PCCA: variants seen among roughly 807,000 people sequenced by gnomAD.
The protein encoded by PCCA is propionyl-CoA carboxylase subunit alpha, also known as propionyl-CoA carboxylase alpha chain, mitochondrial.
PCCA carries 74 observed loss-of-function variants against 101.3 expected under a neutral mutation model. The ratio of observed to expected loss-of-function variants is 0.73; its 90% CI spans 0.61 to 0.89. PCCA has a LOEUF of 0.89. Among genes scored for constraint, PCCA ranks in the 40% least tolerant of loss-of-function variants. PCCA has a pLI of 0.00. For synonymous variants in PCCA, 294 were observed against 313.6 expected (o/e 0.94, Z 0.66); for missense variants, 891 against 907.0 (o/e 0.98, Z 0.23).
At chr13:100,216,186 C>T (rs1054756169) in intron 7 of PCCA, among the ~76,000 whole-genome samples, 1 of 151,692 alleles carries the variant, frequency 6.6e-6, no homozygotes, top group African/African-American at 2.4e-5. Flanking sequence ...TTTAGCAGAC[C>T]ATCTAAGGAA....
intron 18 of PCCA, among the ~76,000 whole-genome samples, chr13:100,349,987 T>G (rs2152775769): frequency 6.6e-6 from 1 of 152,358 alleles, no homozygotes; most frequent in South Asian, 2.1e-4. Flanking sequence ...CTGTTTATTT[T>G]TCTTTGCCTT....
At chr13:100,371,229 A>G (rs2075553524) in intron 19 of PCCA, among the ~76,000 whole-genome samples, 1 of 152,154 alleles carries the variant, frequency 6.6e-6, no homozygotes, top group African/African-American at 2.4e-5. Context: ...CACCACAATA[A>G]TGGTAAAAAG....
chr13:100,101,898 C>T (rs935329854), intron 1 of PCCA, among the ~76,000 whole-genome samples: 3 of 151,998 alleles, frequency 2.0e-5, no homozygotes, highest in South Asian at 2.1e-4. Flanking sequence ...CCATGGTGCC[C>T]GACTCTTTAA....
chr13:100,435,080 A>C (rs878935583), intron 20 of PCCA, among the ~76,000 whole-genome samples: 4 of 152,172 alleles, frequency 2.6e-5, no homozygotes, highest in Admixed American at 2.6e-4. Context: ...ATCTGTTCTT[A>C]TATTGCTATA....
At chr13:100,273,120 A>T in intron 11 of PCCA, 76 bp from the exon 12 acceptor site, 1 of 1,080,096 alleles carries the variant, frequency 9.3e-7, no homozygotes, top group Non-Finnish European at 1.4e-6. Flanking sequence ...ACTTTAAGAA[A>T]ATGTTTATGT....
chr13:100,128,929 C>T (rs2050226066), intron 4 of PCCA, among the ~76,000 whole-genome samples: 1 of 152,128 alleles, frequency 6.6e-6, no homozygotes, highest in African/African-American at 2.4e-5. Flanking sequence ...TCTACCCTTA[C>T]CCTGAAAGAT....
At chr13:100,485,799 T>C (rs892384347) in intron 21 of PCCA, among the ~76,000 whole-genome samples, 1 of 152,224 alleles carries the variant, frequency 6.6e-6, no homozygotes, top group Non-Finnish European at 1.5e-5. Flanking sequence ...CCATAGATTC[T>C]CTCTTCATTT....
chr13:100,246,621 C>A (rs892750015), intron 8 of PCCA, among the ~76,000 whole-genome samples: 1 of 151,844 alleles, frequency 6.6e-6, no homozygotes, highest in Non-Finnish European at 1.5e-5. Context: ...AGCCACCATG[C>A]CAAGCCTAGT....
chr13:100,497,035 G>C lies in PCCA; in HGVS notation c.1900-18392G>C, dbSNP rs76033570. Among the ~76,000 whole-genome samples, 662 of 152,306 alleles carry C rather than the reference G, an allele frequency of 4.3e-3. 33 individuals carry two copies. The East Asian group carries it at 0.098, about 23-fold the overall frequency. ...TTCTCACGGGAGGCTGGAAGCAAAG[G>C]CTGTGCTCCTTGTTCCTCAAAAGCT... is the stretch of plus-strand genomic sequence containing the variant. On this transcript the variant is annotated intron_variant, in intron 21 of 23. Coordinates refer to ENST00000376285, the MANE Select transcript of PCCA (RefSeq NM_000282.4).
In PCCA at chr13:100,515,512, T is replaced by G. The variant is rs374959576; in HGVS notation, c.1985T>G (p.Leu662Arg). 7 of 1,614,098 alleles carry G rather than the reference T, an allele frequency of 4.3e-6. No homozygotes were observed. The highest frequency in any genetic ancestry group is 4.0e-5 in the African/African-American group (3 of 74,940). ...GTGACTGAGGACACAAGCAGTGTTC[T>G]GCGTTCCCCGATGCCCGGAGTGGTG... ...EKVTEDTSSV[L>R]RSPMPGVVVA... Residue 662 changes from leucine to arginine, a missense_variant, in exon 22 of 24, where the codon CTG (leucine) becomes CGG (arginine). Transcript: ENST00000376285.
chr13:100,293,982 A>C (rs2065325031), intron 12 of PCCA, among the ~76,000 whole-genome samples: 1 of 152,168 alleles, frequency 6.6e-6, no homozygotes, highest in African/African-American at 2.4e-5. Flanking sequence ...TTAGTTTGCT[A>C]GGGCTGCCAT....
chr13:100,529,562 G>A (rs2277437), intron 23 of PCCA, among the ~76,000 whole-genome samples: 47,252 of 152,012 alleles, frequency 0.31, 8,045 homozygotes, highest in East Asian at 0.48. Context: ...AAGGGCGACC[G>A]CACAGCCCCA....
Position 100,219,497 on chromosome 13 carries a change from T to C in PCCA, c.600+10034T>C, listed in dbSNP as rs114649047. On this transcript the variant is annotated intron_variant, in intron 7 of 23. Coordinates refer to ENST00000376285, the MANE Select transcript of PCCA (RefSeq NM_000282.4). Reference sequence around the variant, plus strand: ...GTGTCTCCTAGGAAGGGAATGTTTCTTGGCTAAAGGTCCAAAGGTGACCGT... The same window carrying C: ...GTGTCTCCTAGGAAGGGAATGTTTCCTGGCTAAAGGTCCAAAGGTGACCGT... 7.2e-3 allele frequency among the ~76,000 whole-genome samples: 1,097 copies of C among 152,248 alleles called. 11 individuals are homozygous for C. The highest frequency in any genetic ancestry group is 0.025 in the African/African-American group (1,035 of 41,536).
chr13:100,180,149 G>C (rs2056656940), intron 6 of PCCA, among the ~76,000 whole-genome samples: 1 of 152,152 alleles, frequency 6.6e-6, no homozygotes, highest in Non-Finnish European at 1.5e-5. Context: ...GACCTAATGT[G>C]ATGCACTTCT....
intron 19 of PCCA, among the ~76,000 whole-genome samples, chr13:100,392,826 A>G (rs1173345911): frequency 6.6e-6 from 1 of 152,206 alleles, no homozygotes; most frequent in Non-Finnish European, 1.5e-5. Context: ...CAGACTTTCA[A>G]AACTTACAGG....
At chr13:100,251,590 TA>T (rs1303873500) in intron 8 of PCCA, among the ~76,000 whole-genome samples, 1 of 152,154 alleles carries the variant, frequency 6.6e-6, no homozygotes, top group Non-Finnish European at 1.5e-5. Flanking sequence ...CAAGAATCAT[TA>T]AAGTTCATTT....
At chr13:100,137,137 A>T (rs1432781204) in intron 4 of PCCA, among the ~76,000 whole-genome samples, 1 of 152,076 alleles carries the variant, frequency 6.6e-6, no homozygotes, top group Non-Finnish European at 1.5e-5. Flanking sequence ...AAAATTGTTT[A>T]ATTTCCAAGC....
At chr13:100,235,015 G>A (rs2152520851) in intron 7 of PCCA, among the ~76,000 whole-genome samples, 1 of 152,120 alleles carries the variant, frequency 6.6e-6, no homozygotes, top group East Asian at 1.9e-4. Context: ...GGATGTGTTA[G>A]GTGAGGGTTA....
chr13:100,098,748 A>T (rs1291980963), intron 1 of PCCA, among the ~76,000 whole-genome samples: 1 of 152,180 alleles, frequency 6.6e-6, no homozygotes, highest in Admixed American at 6.5e-5. Context: ...CTTAGTACAG[A>T]GGCAGAGCCC....
Sources: gnomAD v4.1 joint callset for allele counts (sites outside exome capture counted in the v4.1 genomes callset) on GRCh38, gnomAD v4.1.1 for gene constraint, MANE v1.5 for transcripts, NCBI Gene and HGNC (gene_info 2026-07-23, HGNC 2026-07-21) for gene names.